Variants in ZNF827 observed in about 807,000 individuals in gnomAD.
ZNF827 encodes zinc finger protein 827.
ZNF827 carries 13 observed loss-of-function variants against 102.4 expected under a neutral mutation model. The observed-to-expected ratio is 0.13, with a 90% confidence interval of 0.08 to 0.20. The LOEUF is 0.20. Among genes scored for constraint, ZNF827 ranks in the 10% least tolerant of loss-of-function variants. The pLI is 1.00. For missense variants in ZNF827, 1,103 were observed against 1,344.4 expected, an observed-to-expected ratio of 0.82 and a Z score of 2.81; for synonymous variants, 523 against 536.2, an observed-to-expected ratio of 0.98 and a Z score of 0.34.
At chr4:145,873,700 C>T (rs537480844) in intron 4 of ZNF827, among the ~76,000 whole-genome samples, 1 of 152,300 alleles carries the variant, frequency 6.6e-6, no homozygotes, top group South Asian at 2.1e-4. Flanking sequence ...AGGAAGGTTG[C>T]TCCTAAGAGG....
At chr4:145,916,485 C>T (rs1326171324) in intron 1 of ZNF827, among the ~76,000 whole-genome samples, 4 of 152,062 alleles carry the variant, frequency 2.6e-5, no homozygotes, top group Non-Finnish European at 4.4e-5. Context: ...TTCCTTTCCC[C>T]AGGCCTTGGC....
chr4:145,884,185 C>T (rs548186291), intron 4 of ZNF827, among the ~76,000 whole-genome samples: 1 of 152,248 alleles, frequency 6.6e-6, no homozygotes, highest in Admixed American at 6.5e-5. Flanking sequence ...ATTCCCCGCT[C>T]TTTGCCTACT....
chr4:145,766,300 T>TTC (rs1735286933), intron 11 of ZNF827, among the ~76,000 whole-genome samples: 1 of 152,210 alleles, frequency 6.6e-6, no homozygotes, highest in South Asian at 2.1e-4. Context: ...GTCAGAAGAC[T>TTC]TCTGCTTCTA....
chr4:145,779,652 C>G, intron 8 of ZNF827, 141 bp from the exon 9 acceptor site: 3 of 1,205,346 alleles, frequency 2.5e-6, no homozygotes, highest in Non-Finnish European at 3.4e-6. Context: ...AACTGGTTTT[C>G]CTGCTCATTT....
rs1413483702 is a variant in ZNF827, at chr4:145,765,251, T to G, written c.3053-86A>C. 7.2e-7 allele frequency: 1 copy of G among 1,393,576 alleles called. No homozygotes were observed. The highest frequency in any genetic ancestry group is 1.4e-5 in the African/African-American group (1 of 69,236). The allele number at this position is 1,393,576 out of a possible 1,614,324, so 86.3% of individuals were successfully genotyped here. On this transcript the variant is annotated intron_variant, in intron 12 of 14. Coordinates refer to ENST00000508784, the MANE Select transcript of ZNF827 (RefSeq NM_001306215.2). The surrounding 1 kb of genome is among the most constrained non-coding windows in gnomAD (Gnocchi z 4.7). ...TGGAGCCAAGCTCCTCCCCACTTCC[T>G]CCCGCCTCCTCCGACGCCTGACAGC...
intron 11 of ZNF827, among the ~76,000 whole-genome samples, chr4:145,767,426 C>A (rs1395158559): frequency 6.6e-6 from 1 of 152,086 alleles, no homozygotes; most frequent in Non-Finnish European, 1.5e-5. Flanking sequence ...TAATTGGAAT[C>A]CCTGGTGGGG....
chr4:145,876,869 A>G (rs1055076057), intron 4 of ZNF827: 7 of 152,212 alleles, frequency 4.6e-5, no homozygotes, highest in Admixed American at 4.6e-4. Context: ...CTGAAATTAC[A>G]AGACAAGTTG....
At chr4:145,889,279 C>T (rs953012475) in intron 3 of ZNF827, among the ~76,000 whole-genome samples, 12 of 152,152 alleles carry the variant, frequency 7.9e-5, no homozygotes, top group African/African-American at 2.4e-4. Flanking sequence ...GATGGCTTTC[C>T]GATAATGATC....
intron 1 of ZNF827, among the ~76,000 whole-genome samples, chr4:145,910,536 A>C: frequency 6.6e-6 from 1 of 152,088 alleles, no homozygotes; most frequent in Non-Finnish European, 1.5e-5. Context: ...GCCACTTTGC[A>C]CCATTTCCAC....
chr4:145,918,101 A>G (rs1260556490), intron 1 of ZNF827, among the ~76,000 whole-genome samples: 2 of 152,132 alleles, frequency 1.3e-5, no homozygotes, highest in African/African-American at 2.4e-5. Context: ...AAAAACATCA[A>G]TTGCTTTTGC....
intron 11 of ZNF827, among the ~76,000 whole-genome samples, chr4:145,772,955 GTCCA>G: frequency 6.6e-6 from 1 of 152,330 alleles, no homozygotes; most frequent in African/African-American, 2.4e-5. Flanking sequence ...ATGATGACAA[GTCCA>G]GCTTCTGCCT....
intron 2 of ZNF827, among the ~76,000 whole-genome samples, chr4:145,897,222 G>A (rs1440077452): frequency 1.3e-5 from 2 of 152,052 alleles, no homozygotes; most frequent in African/African-American, 4.8e-5. Context: ...AAACTTCATT[G>A]GGCTAAAAAA....
At chr4:145,818,744 T>C (rs1169278006) in intron 8 of ZNF827, among the ~76,000 whole-genome samples, 1 of 152,210 alleles carries the variant, frequency 6.6e-6, no homozygotes, top group Non-Finnish European at 1.5e-5. Flanking sequence ...ACGTATCTTT[T>C]TAAGCCAACG....
chr4:145,774,582 C>G lies in ZNF827; in HGVS notation c.2784G>C (p.Ser928=), dbSNP rs151291781. ...LHVDKEQWMF[S]ICCTACDFVT... ...CGAAGTCGCAGGCAGTGCAGCAGAT[C>G]GAAAACATCCACTGCTCCTTGTCCA... Residue 928 remains serine (S), a synonymous_variant, in exon 11 of 15, where the codon TCG becomes TCC. Transcript: ENST00000508784. The G allele has an allele frequency of 1.9e-6, 3 of 1,613,348 alleles. No homozygotes were observed. Among genetic ancestry groups the G allele is most frequent in the Non-Finnish European group, 2.5e-6 (3 of 1,179,740 alleles).
Position 145,765,668 on chromosome 4 carries a change from T to C in ZNF827, c.2931A>G (p.Ser977=), listed in dbSNP as rs748142852. ...CATCTGAATCATCTTTGCTGTTGGCTGAATCACTCAGAGCTGAGAGGGAGG... is the reference window on the plus strand; with the variant it reads ...CATCTGAATCATCTTTGCTGTTGGCCGAATCACTCAGAGCTGAGAGGGAGG... The part of the protein sequence containing the change: ...SSSSLSALSD[S]ANSKDDSDGS... The change falls in exon 12 of 15, where the codon TCA becomes TCG. Residue 977 remains serine, a synonymous_variant. Coordinates refer to ENST00000508784, the MANE Select transcript of ZNF827 (RefSeq NM_001306215.2). The surrounding 1 kb of genome is among the most constrained non-coding windows in gnomAD (Gnocchi z 4.7). The C allele has an allele frequency of 6.2e-7, 1 of 1,614,190 alleles. No individual in the cohort carries two copies. Among genetic ancestry groups the C allele is most frequent in the Admixed American group, 1.7e-5 (1 of 60,024 alleles).
chr4:145,930,620 AC>A (rs1753729111), intron 1 of ZNF827, among the ~76,000 whole-genome samples: 1 of 152,238 alleles, frequency 6.6e-6, no homozygotes, highest in Admixed American at 6.5e-5. Context: ...AACTCCAGAG[AC>A]AGAACTTCAG....
intron 5 of ZNF827, among the ~76,000 whole-genome samples, chr4:145,866,357 A>G (rs1748195911): frequency 6.6e-6 from 1 of 152,206 alleles, no homozygotes. Context: ...CTGTTTCTAA[A>G]TATCTCCTAG....
At position 145,794,294 on chromosome 4, in the gene ZNF827, G is replaced by A. The variant is rs565786679; in HGVS notation, c.2384-14783C>T. Among the ~76,000 whole-genome samples the A allele has an allele frequency of 3.3e-5, 5 of 152,290 alleles. No individual in the cohort carries two copies. In the East Asian group the frequency reaches 7.7e-4, roughly 23 times the overall value. On this transcript the variant is annotated intron_variant, in intron 8 of 14. Coordinates refer to ENST00000508784, the MANE Select transcript of ZNF827 (RefSeq NM_001306215.2). Reference sequence around the variant, plus strand: ...AACAGTGTATGGCTGCTTTTTCAGCGTGTGAATTTGCCTCAATGTCCTGTT... The same window carrying A: ...AACAGTGTATGGCTGCTTTTTCAGCATGTGAATTTGCCTCAATGTCCTGTT...
chr4:145,899,368 C>G (rs1355084395), intron 2 of ZNF827, among the ~76,000 whole-genome samples: 1 of 152,084 alleles, frequency 6.6e-6, no homozygotes, highest in African/African-American at 2.4e-5. Flanking sequence ...TGGAGATGAT[C>G]CACCTTTCCT....
Sources: gnomAD v4.1 joint callset for allele counts (sites outside exome capture counted in the v4.1 genomes callset) on GRCh38, gnomAD v4.1.1 for gene constraint, Gnocchi (gnomAD v3.1) non-coding constraint, MANE v1.5 for transcripts, NCBI Gene and HGNC (gene_info 2026-07-23, HGNC 2026-07-21) for gene names.